The following DTL variants were observed in gnomAD, a reference collection of about 807,000 sequenced individuals.
The protein encoded by DTL is denticleless E3 ubiquitin protein ligase adapter.
In DTL, 46 loss-of-function variants were observed where a neutral mutation model predicts 87.0. The ratio of observed to expected loss-of-function variants is 0.53; its 90% CI spans 0.42 to 0.68. The LOEUF (loss-of-function observed/expected upper bound fraction) is 0.68. DTL is among the 30% of genes least tolerant of loss of function. The pLI is 0.00. For missense variants in DTL, 737 were observed against 869.4 expected (o/e 0.85, Z 1.91); for synonymous variants, 308 against 311.2 (o/e 0.99, Z 0.11).
chr1:212,085,249 G>C (rs1165618272), intron 13 of DTL, among the ~76,000 whole-genome samples: 1 of 152,120 alleles, frequency 6.6e-6, no homozygotes, highest in Non-Finnish European at 1.5e-5. Flanking sequence ...TCTAATTCTA[G>C]AATATCTTCA....
chr1:212,064,995 A>C lies in DTL; in HGVS notation c.605A>C (p.Lys202Thr). The change falls in exon 7 of 15, where the codon AAG becomes ACG. Residue 202 changes from lysine to threonine, a missense_variant. Physicochemically the swap from Lys to Thr is moderately conservative, Grantham distance 78. Coordinates refer to ENST00000366991, the MANE Select transcript of DTL (RefSeq NM_016448.4). ...SDKQTPSKPKKKQNSKGLAPS... is the reference protein window; with the variant it reads ...SDKQTPSKPKTKQNSKGLAPS... The stretch of plus-strand genomic sequence containing the variant: ...AAGCAAACCCCTTCAAAACCCAAGA[A>C]GAAACAGAATTCAAAAGGACTTGCT... 2 of 1,614,158 alleles carry C rather than the reference A, an allele frequency of 1.2e-6. No individual in the cohort carries two copies. The highest frequency in any genetic ancestry group is 2.2e-5 in the South Asian group (2 of 91,090).
Position 212,082,029 on chromosome 1 carries a change from G to A in DTL, c.1261+1279G>A, listed in dbSNP as rs542089880. ...TAGGCCTGGTGTCTTGGGGTACCCC[G>A]ATGTTTAGAGGTTGAGGAGGTGACA... On this transcript the variant is annotated intron_variant, in intron 13 of 14. Coordinates refer to ENST00000366991, the MANE Select transcript of DTL (RefSeq NM_016448.4). Among the ~76,000 whole-genome samples, 5 of 152,270 alleles carry A rather than the reference G, an allele frequency of 3.3e-5. No homozygotes were observed. The East Asian group carries it at 5.8e-4, about 18-fold the overall frequency.
intron 13 of DTL, among the ~76,000 whole-genome samples, chr1:212,094,446 T>C (rs766715829): frequency 4.6e-5 from 7 of 152,248 alleles, no homozygotes; most frequent in Non-Finnish European, 8.8e-5. Flanking sequence ...CTCTGTTCTA[T>C]TGCATTGGTC....
Position 212,097,882 on chromosome 1 carries a change from G to A in DTL, c.1262-2370G>A, listed in dbSNP as rs1655497471. 3.6e-5 allele frequency among the ~76,000 whole-genome samples: 5 copies of A among 138,698 alleles called. No homozygotes were observed. The Admixed American group carries it at 3.8e-4, about 10-fold the overall frequency. 91.0% of individuals were successfully genotyped at this position (138,698 alleles called of 152,430 possible). A position where few individuals can be genotyped will look rare whatever the true frequency, so the allele number is the denominator to read the frequency against. On this transcript the variant is annotated intron_variant, in intron 13 of 14. Coordinates refer to ENST00000366991, the MANE Select transcript of DTL (RefSeq NM_016448.4). ...AGAAGAAAGATCTGGGACTCAATGT[G>A]TGCTGTTTAAATTCTTTTGTCCCAC... is the stretch of plus-strand genomic sequence containing the variant.
intron 1 of DTL, among the ~76,000 whole-genome samples, chr1:212,038,159 G>C: frequency 6.6e-6 from 1 of 152,190 alleles, no homozygotes; most frequent in East Asian, 1.9e-4. Context: ...GAGGAAACCA[G>C]AGTACCTGGA....
At position 212,047,566 on chromosome 1, in the gene DTL, T is replaced by G. The variant is rs539185167; in HGVS notation, c.460+149T>G. 1.4e-5 allele frequency: 16 copies of G among 1,137,666 alleles called. No homozygotes were observed. In the African/African-American group the frequency reaches 2.3e-4, roughly 17 times the overall value. 70.5% of individuals were successfully genotyped at this position (1,137,666 alleles called of 1,614,324 possible). ...ATTCTTTTTTTGGAGACAGTTTCGT[T>G]CTGTTGCCCAGGCTGGAGTGCAGTG... On this transcript the variant is annotated intron_variant, in intron 5 of 14. Transcript: ENST00000366991.
chr1:212,036,921 G>A (rs1667485559), intron 1 of DTL, among the ~76,000 whole-genome samples: 2 of 152,200 alleles, frequency 1.3e-5, no homozygotes, highest in African/African-American at 2.4e-5. Context: ...AAATAATATT[G>A]AGAAAGAGAC....
chr1:212,040,457 A>G (rs1667602445), intron 1 of DTL, among the ~76,000 whole-genome samples: 1 of 152,264 alleles, frequency 6.6e-6, no homozygotes, highest in Non-Finnish European at 1.5e-5. Context: ...GTAAGAGATT[A>G]ACAATAACTA....
At chr1:212,064,272 T>C (rs931020773) in intron 6 of DTL, among the ~76,000 whole-genome samples, 5 of 152,166 alleles carry the variant, frequency 3.3e-5, no homozygotes, top group Non-Finnish European at 7.4e-5. Flanking sequence ...AGAGTTCCCA[T>C]ATAGCCCCTG....
intron 1 of DTL, among the ~76,000 whole-genome samples, chr1:212,040,317 A>G (rs1257360146): frequency 6.6e-6 from 1 of 152,264 alleles, no homozygotes; most frequent in Non-Finnish European, 1.5e-5. Flanking sequence ...ATTACATGGC[A>G]TATGACTGTA....
intron 12 of DTL, among the ~76,000 whole-genome samples, chr1:212,078,987 C>T (rs1269205180): frequency 6.6e-6 from 1 of 152,082 alleles, no homozygotes; most frequent in East Asian, 1.9e-4. Flanking sequence ...TCTCCCCTTT[C>T]ACGTATGACG....
intron 1 of DTL, among the ~76,000 whole-genome samples, chr1:212,037,795 G>T (rs2102520979): frequency 6.6e-6 from 1 of 152,300 alleles, no homozygotes; most frequent in Non-Finnish European, 1.5e-5. Context: ...TGTTTGCAAA[G>T]TGAAAATTGG....
intron 13 of DTL, among the ~76,000 whole-genome samples, chr1:212,096,156 A>G (rs978217475): frequency 1.3e-5 from 2 of 152,184 alleles, no homozygotes; most frequent in Non-Finnish European, 2.9e-5. Context: ...TTGTGAGCAC[A>G]AATGTGTTCA....
chr1:212,076,766 G>C (rs769876740), intron 11 of DTL, among the ~76,000 whole-genome samples: 3 of 152,148 alleles, frequency 2.0e-5, no homozygotes, highest in Non-Finnish European at 4.4e-5. Flanking sequence ...GGGATAGTTA[G>C]AGACGATCTT....
At position 212,047,174 on chromosome 1, in the gene DTL, G is replaced by A. The variant is rs756969574; in HGVS notation, c.301G>A (p.Val101Ile). 25 of 1,614,048 alleles carry A rather than the reference G, an allele frequency of 1.5e-5. No individual in the cohort carries two copies. In the Admixed American group the frequency reaches 2.3e-4, roughly 15 times the overall value. ...AGAATGGATGGCTCACTGGAATGCC[G>A]TCTTTGACCTGGCCTGGGTTCCTGG... is the stretch of plus-strand genomic sequence containing the variant. ...FKEWMAHWNAVFDLAWVPGEL... is the reference protein window; with the variant it reads ...FKEWMAHWNAIFDLAWVPGEL... Residue 101 changes from valine (V) to isoleucine (I), a missense_variant, in exon 4 of 15, where the codon GTC becomes ATC. Transcript: ENST00000366991.
At chr1:212,047,020 A>G in intron 3 of DTL, 131 bp from the exon 4 acceptor site, 1 of 768,838 alleles carries the variant, frequency 1.3e-6, no homozygotes, top group East Asian at 2.7e-5. Flanking sequence ...TGTGGTTTTG[A>G]TTTGCATTTC....
At chr1:212,091,899 T>A (rs1655294096) in intron 13 of DTL, among the ~76,000 whole-genome samples, 1 of 152,260 alleles carries the variant, frequency 6.6e-6, no homozygotes. Context: ...ATAGCCTATA[T>A]ACACAATAAA....
chr1:212,085,352 A>G (rs1268474149), intron 13 of DTL, among the ~76,000 whole-genome samples: 2 of 152,174 alleles, frequency 1.3e-5, no homozygotes, highest in African/African-American at 4.8e-5. Flanking sequence ...GCAGGTGTGA[A>G]TTAGTGTCCC....
At position 212,046,504 on chromosome 1, in the gene DTL, G is replaced by A. The variant is rs759374503; in HGVS notation, c.278-647G>A. ...CCCCTCCCTGTGTCCATGTGTTCTC[G>A]TTGTTCAGCTCCCACTTATGAGTGA... On this transcript the variant is annotated intron_variant, in intron 3 of 14. Coordinates refer to ENST00000366991, the MANE Select transcript of DTL (RefSeq NM_016448.4). Among the ~76,000 whole-genome samples, 47 of 151,978 alleles carry A rather than the reference G, an allele frequency of 3.1e-4. 2 individuals carry two copies. The highest frequency in any genetic ancestry group is 1.3e-4 in the Admixed American group (2 of 15,236).
Sources: allele counts gnomAD v4.1 joint callset (sites outside exome capture counted in the v4.1 genomes callset), GRCh38; gene constraint gnomAD v4.1.1; transcripts MANE v1.5; gene names NCBI Gene and HGNC (gene_info 2026-07-23, HGNC 2026-07-21).